The following PLXNA4 variants were observed in gnomAD, a reference collection of about 807,000 sequenced individuals.
PLXNA4 encodes the protein plexin A4.
In PLXNA4, 44 loss-of-function variants were observed where a neutral mutation model predicts 191.8. The observed-to-expected ratio is 0.23, with a 90% CI of 0.18 to 0.29. The LOEUF (loss-of-function observed/expected upper bound fraction) is 0.29, where lower values mean the gene tolerates loss of function less well. Among genes scored for constraint, PLXNA4 ranks in the 10% least tolerant of loss-of-function variants. PLXNA4 has a pLI of 1.00. For synonymous variants in PLXNA4, 1,082 were observed against 1,009.5 expected (o/e 1.07, Z -1.36); for missense variants, 1,800 against 2,488.8 (o/e 0.72, Z 5.89).
intron 3 of PLXNA4, among the ~76,000 whole-genome samples, chr7:132,451,141 C>G (rs1796105945): frequency 6.6e-6 from 1 of 152,202 alleles, no homozygotes; most frequent in Admixed American, 6.5e-5. Context: ...AGCGTGAGGC[C>G]AGGTGTGGTA....
chr7:132,472,382 T>C (rs746133859), intron 3 of PLXNA4, among the ~76,000 whole-genome samples: 16 of 152,214 alleles, frequency 1.1e-4, no homozygotes, highest in Non-Finnish European at 1.8e-4. Flanking sequence ...ATTCTTCATA[T>C]CTACCATGGC....
chr7:132,266,248 C>T (rs1799854596), intron 4 of PLXNA4: 1 of 152,170 alleles, frequency 6.6e-6, no homozygotes, highest in African/African-American at 2.4e-5. Flanking sequence ...CAAGTATGTC[C>T]ATTTTTCCAG....
chr7:132,455,522 A>T (rs1372409657), intron 3 of PLXNA4, among the ~76,000 whole-genome samples: 1 of 152,094 alleles, frequency 6.6e-6, no homozygotes, highest in Non-Finnish European at 1.5e-5. Flanking sequence ...ACTCACACAT[A>T]TGCCTGCATG....
chr7:132,132,473 C>CTTTCTATTCTAT (rs1563048405), intron 31 of PLXNA4, among the ~76,000 whole-genome samples: 23 of 53,040 alleles, frequency 4.3e-4, no homozygotes, highest in South Asian at 7.8e-4. Flanking sequence ...TTCTGCTCTG[C>CTTTCTATTCTAT]TCTGCTCTGC....
intron 4 of PLXNA4, among the ~76,000 whole-genome samples, chr7:132,254,515 C>T (rs1324472937): frequency 6.6e-6 from 1 of 152,208 alleles, no homozygotes; most frequent in Non-Finnish European, 1.5e-5. Context: ...TCCTCCTATG[C>T]ATAAAGGGAG....
rs1022499958 is a variant in PLXNA4 at position 132,127,927 on chromosome 7, C to T, written c.*2552G>A. 6 of 141,702 alleles carry T rather than the reference C, an allele frequency of 4.2e-5. No individual in the cohort carries two copies. The highest frequency in any genetic ancestry group is 1.6e-4 in the African/African-American group (6 of 37,900). 8.8% of individuals were successfully genotyped at this position (141,702 alleles called of 1,614,324 possible). A position where few individuals can be genotyped will look rare whatever the true frequency, so the allele number is the denominator to read the frequency against. On this transcript the variant is annotated 3_prime_UTR_variant, in exon 32 of 32. Coordinates refer to ENST00000321063, the MANE Select transcript of PLXNA4 (RefSeq NM_020911.2). The stretch of plus-strand genomic sequence containing the variant: ...ATCCAGTAAAAAATAAAAGCTTCAG[C>T]AGAACCGTGATAAGTCTTTTTTCTT...
At chr7:132,602,734 T>A (rs1471687706) in intron 2 of PLXNA4, among the ~76,000 whole-genome samples, 3 of 152,052 alleles carry the variant, frequency 2.0e-5, no homozygotes, top group East Asian at 3.9e-4. Context: ...ACAAGAGGGA[T>A]CAGAGACATG....
chr7:132,251,057 T>C (rs1366625671), intron 4 of PLXNA4, among the ~76,000 whole-genome samples: 5 of 151,352 alleles, frequency 3.3e-5, no homozygotes, highest in African/African-American at 4.9e-5. Flanking sequence ...CAGCCTTTTT[T>C]TTTTTTTTTT....
intron 1 of PLXNA4, among the ~76,000 whole-genome samples, chr7:132,646,583 C>A (rs1417913930): frequency 2.6e-5 from 4 of 152,052 alleles, no homozygotes; most frequent in African/African-American, 9.7e-5. Context: ...GGATGGTGGC[C>A]ATGTGCAAGC....
At chr7:132,367,422 C>T (rs1259516092) in intron 3 of PLXNA4, among the ~76,000 whole-genome samples, 1 of 151,834 alleles carries the variant, frequency 6.6e-6, no homozygotes, top group Non-Finnish European at 1.5e-5. Context: ...AGGATACACA[C>T]TCGGGAGTGA....
chr7:132,167,220 TGA>T (rs1796148641), intron 22 of PLXNA4, among the ~76,000 whole-genome samples: 1 of 151,782 alleles, frequency 6.6e-6, no homozygotes, highest in South Asian at 2.1e-4. Flanking sequence ...ACTGGTAGAG[TGA>T]GAGAGTTTCT....
chr7:132,167,733 G>A (rs1213114064), intron 22 of PLXNA4, among the ~76,000 whole-genome samples: 1 of 152,088 alleles, frequency 6.6e-6, no homozygotes, highest in Admixed American at 6.6e-5. Flanking sequence ...TAGAGATGAG[G>A]TCTATGTTGC....
chr7:132,594,802 T>C (rs1802667085), intron 2 of PLXNA4, among the ~76,000 whole-genome samples: 1 of 152,162 alleles, frequency 6.6e-6, no homozygotes, highest in South Asian at 2.1e-4. Flanking sequence ...AGTCTGCTTC[T>C]TCAGGCACTG....
chr7:132,439,450 ATATC>A (rs554706450), intron 3 of PLXNA4, among the ~76,000 whole-genome samples: 211 of 152,198 alleles, frequency 1.4e-3, no homozygotes, highest in African/African-American at 4.7e-3. Flanking sequence ...AATACACAAT[ATATC>A]CATACATACA....
chr7:132,343,566 C>T (rs1803123107), intron 3 of PLXNA4, among the ~76,000 whole-genome samples: 1 of 152,218 alleles, frequency 6.6e-6, no homozygotes. Context: ...AGCCCCCTGG[C>T]TTAAAGTCAC....
intron 3 of PLXNA4, among the ~76,000 whole-genome samples, chr7:132,368,735 C>T (rs113105777): frequency 2.6e-5 from 4 of 152,296 alleles, no homozygotes; most frequent in African/African-American, 4.8e-5. Context: ...GACAAGCAGA[C>T]GTCTGCTGAG....
At chr7:132,273,457 A>G (rs1289043740) in intron 4 of PLXNA4, among the ~76,000 whole-genome samples, 3 of 152,144 alleles carry the variant, frequency 2.0e-5, no homozygotes, top group Non-Finnish European at 4.4e-5. Context: ...ACTGACCTCA[A>G]CTATGTACTG....
chr7:132,556,999 A>G lies in PLXNA4; in HGVS notation c.-87+19423T>C, dbSNP rs569466722. Among the ~76,000 whole-genome samples the G allele has an allele frequency of 2.9e-4, 44 of 152,360 alleles. 1 individual carries two copies. The highest frequency in any genetic ancestry group is 2.5e-3 in the Admixed American group (39 of 15,296). On this transcript the variant is annotated intron_variant, in intron 1 of 31. Transcript: ENST00000321063. Reference sequence around the variant, plus strand: ...AAATTCAAATTTTAGGCTTCAAAAAATATTAATGAATAAAGTACCAGGTGG... The same window carrying G: ...AAATTCAAATTTTAGGCTTCAAAAAGTATTAATGAATAAAGTACCAGGTGG...
At chr7:132,496,561 C>T (rs1325539324) in intron 2 of PLXNA4, among the ~76,000 whole-genome samples, 1 of 152,064 alleles carries the variant, frequency 6.6e-6, no homozygotes, top group Non-Finnish European at 1.5e-5. Context: ...GCCACTACAC[C>T]CAGCTAATTT....
Sources: allele counts gnomAD v4.1 joint callset (sites outside exome capture counted in the v4.1 genomes callset), GRCh38; gene constraint gnomAD v4.1.1; transcripts MANE v1.5; gene names NCBI Gene and HGNC (gene_info 2026-07-23, HGNC 2026-07-21).